Variants in CSMD1 observed in about 807,000 individuals in gnomAD.
CSMD1 encodes the protein CUB and Sushi multiple domains 1, also known as CUB and sushi domain-containing protein 1.
Under a neutral mutation model 417.5 loss-of-function variants are expected in CSMD1, and 213 were observed. That is an observed-to-expected ratio of 0.51 (90% CI 0.46 to 0.57). The LOEUF is 0.57. Among genes scored for constraint, CSMD1 ranks in the 20% least tolerant of loss-of-function variants. The probability of loss-of-function intolerance (pLI) is 0.00; values close to 1 mark genes in which losing one functional copy is unlikely to be tolerated. For synonymous variants in CSMD1, 2,862 were observed against 1,736.8 expected (o/e 1.65, Z -16.11); for missense variants, 6,923 against 4,529.7 (o/e 1.53, Z -15.17).
At chr8:4,444,105 G>A (rs925606851) in intron 2 of CSMD1, among the ~76,000 whole-genome samples, 2 of 151,994 alleles carry the variant, frequency 1.3e-5, no homozygotes, top group Non-Finnish European at 2.9e-5. Flanking sequence ...ACTTTGGGAG[G>A]TCGAGGCAGG....
chr8:3,459,237 G>A (rs1289334520), intron 12 of CSMD1, among the ~76,000 whole-genome samples: 7 of 152,322 alleles, frequency 4.6e-5, no homozygotes, highest in Middle Eastern at 6.8e-3. Flanking sequence ...GGAGCCACAG[G>A]TGCACGAAGA....
At chr8:4,965,307 C>A (rs1809788706) in intron 1 of CSMD1, among the ~76,000 whole-genome samples, 1 of 152,184 alleles carries the variant, frequency 6.6e-6, no homozygotes. Context: ...GGCATAGTTG[C>A]AAATGCTTTA....
intron 11 of CSMD1, among the ~76,000 whole-genome samples, chr8:3,480,213 T>A (rs1359755783): frequency 6.6e-6 from 1 of 151,726 alleles, no homozygotes; most frequent in Non-Finnish European, 1.5e-5. Flanking sequence ...CAAAAAAAAA[T>A]TAGCTGGGTG....
At chr8:4,841,814 G>C (rs987888734) in intron 1 of CSMD1, among the ~76,000 whole-genome samples, 1 of 150,726 alleles carries the variant, frequency 6.6e-6, no homozygotes, top group Non-Finnish European at 1.5e-5. Context: ...GGGAGGCTGA[G>C]GCAGGAGAAT....
At chr8:3,191,666 A>G (rs564545149) in intron 33 of CSMD1, among the ~76,000 whole-genome samples, 16 of 152,290 alleles carry the variant, frequency 1.1e-4, no homozygotes, top group Non-Finnish European at 1.5e-4. Flanking sequence ...TTCAGGTTGT[A>G]TGGCAGAAAT....
At chr8:4,882,570 C>G (rs1338721663) in intron 1 of CSMD1, among the ~76,000 whole-genome samples, 1 of 151,722 alleles carries the variant, frequency 6.6e-6, no homozygotes, top group Non-Finnish European at 1.5e-5. Flanking sequence ...CCCACTTTCC[C>G]TAAGAACATT....
intron 3 of CSMD1, among the ~76,000 whole-genome samples, chr8:4,289,644 G>C (rs1490130271): frequency 6.6e-6 from 1 of 152,156 alleles, no homozygotes; most frequent in Non-Finnish European, 1.5e-5. Context: ...GAGTAGAGCA[G>C]CTGTCCATGG....
intron 12 of CSMD1, among the ~76,000 whole-genome samples, chr8:3,412,377 C>G (rs1022363593): frequency 3.3e-5 from 5 of 152,054 alleles, no homozygotes; most frequent in Admixed American, 2.0e-4. Context: ...GTAGAAGTGA[C>G]TCAGAACTGA....
chr8:4,859,190 T>G (rs1801984472), intron 1 of CSMD1, among the ~76,000 whole-genome samples: 1 of 151,836 alleles, frequency 6.6e-6, no homozygotes, highest in Admixed American at 6.6e-5. Context: ...TAATAAATGG[T>G]GCTGGGAAAA....
chr8:3,292,132 C>T (rs966943912), intron 25 of CSMD1, among the ~76,000 whole-genome samples: 1 of 152,108 alleles, frequency 6.6e-6, no homozygotes, highest in South Asian at 2.1e-4. Flanking sequence ...TATAGTTGAG[C>T]AGTGTTGAAT....
chr8:4,025,899 A>C (rs1257224611), intron 4 of CSMD1, among the ~76,000 whole-genome samples: 1 of 152,052 alleles, frequency 6.6e-6, no homozygotes, highest in Non-Finnish European at 1.5e-5. Context: ...TAATACATTT[A>C]GGTGTCATTA....
intron 6 of CSMD1, among the ~76,000 whole-genome samples, chr8:3,732,098 G>C (rs1037160708): frequency 9.9e-5 from 15 of 152,126 alleles, no homozygotes; most frequent in Non-Finnish European, 1.6e-4. Flanking sequence ...GATGCCACCA[G>C]GGAAAGGAGG....
chr8:4,798,913 C>T (rs745940981), intron 1 of CSMD1, among the ~76,000 whole-genome samples: 12 of 152,136 alleles, frequency 7.9e-5, no homozygotes, highest in Non-Finnish European at 1.5e-4. Context: ...AGTAAAAATT[C>T]AGCAACTGTT....
chr8:3,223,079 G>C (rs1168519813), intron 28 of CSMD1, among the ~76,000 whole-genome samples: 1 of 152,128 alleles, frequency 6.6e-6, no homozygotes, highest in Non-Finnish European at 1.5e-5. Context: ...AAAGTCTAAA[G>C]TTAGAAAACA....
intron 5 of CSMD1, among the ~76,000 whole-genome samples, chr8:3,770,750 C>G (rs924823259): frequency 2.0e-5 from 3 of 152,086 alleles, no homozygotes; most frequent in Non-Finnish European, 2.9e-5. Flanking sequence ...ATTGCCTACT[C>G]CATTCCCCGC....
intron 3 of CSMD1, among the ~76,000 whole-genome samples, chr8:4,108,109 G>A (rs944950848): frequency 1.3e-5 from 2 of 151,534 alleles, no homozygotes; most frequent in Non-Finnish European, 2.9e-5. Context: ...GAAAAAGACG[G>A]AGGAGGAGGA....
intron 3 of CSMD1, among the ~76,000 whole-genome samples, chr8:4,305,136 T>C (rs1171553819): frequency 6.6e-6 from 1 of 152,202 alleles, no homozygotes; most frequent in Non-Finnish European, 1.5e-5. Flanking sequence ...TGCGGATACA[T>C]GCATTGGTAT....
At chr8:4,301,985 G>C (rs974864682) in intron 3 of CSMD1, among the ~76,000 whole-genome samples, 1 of 152,136 alleles carries the variant, frequency 6.6e-6, no homozygotes, top group Non-Finnish European at 1.5e-5. Flanking sequence ...ATCCTGTTCA[G>C]ATATGTTAGA....
intron 2 of CSMD1, among the ~76,000 whole-genome samples, chr8:4,441,178 A>G (rs1056235542): frequency 7.7e-6 from 1 of 130,414 alleles, no homozygotes; most frequent in East Asian, 2.3e-4. Context: ...GGTTCACTGC[A>G]GTCTCAAACT....
Sources: allele counts gnomAD v4.1 joint callset (sites outside exome capture counted in the v4.1 genomes callset), GRCh38; gene constraint gnomAD v4.1.1; transcripts MANE v1.5; gene names NCBI Gene and HGNC (gene_info 2026-07-23, HGNC 2026-07-21).